Variants in CACNA1I observed in about 807,000 individuals in gnomAD.
CACNA1I encodes calcium voltage-gated channel subunit alpha1 I.
Under a neutral mutation model 201.6 loss-of-function variants are expected in CACNA1I, and 74 were observed. The ratio of observed to expected loss-of-function variants is 0.37; its 90% CI spans 0.30 to 0.45. The LOEUF (loss-of-function observed/expected upper bound fraction) is 0.45, where lower values mean the gene tolerates loss of function less well. CACNA1I is among the 20% of genes least tolerant of loss of function. CACNA1I has a pLI of 1.00. For synonymous variants in CACNA1I, 1,431 were observed against 1,345.2 expected (o/e 1.06, Z -1.40); for missense variants, 2,346 against 3,138.1 (o/e 0.75, Z 6.03).
chr22:39,599,948 G>A (rs1354337226), intron 2 of CACNA1I, among the ~76,000 whole-genome samples: 1 of 152,240 alleles, frequency 6.6e-6, no homozygotes, highest in Non-Finnish European at 1.5e-5. Context: ...TGTGGGCAGA[G>A]AAAGGCAACA....
chr22:39,655,303 A>T (rs992615479), intron 10 of CACNA1I, among the ~76,000 whole-genome samples: 1 of 152,010 alleles, frequency 6.6e-6, no homozygotes, highest in African/African-American at 2.4e-5. Context: ...ATCTACCCCT[A>T]CAGAAATGGC....
In CACNA1I at chr22:39,665,004, C is replaced by A. The variant is rs533147795; in HGVS notation, c.3851+81C>A. 15 of 1,272,944 alleles carry A rather than the reference C, an allele frequency of 1.2e-5. No individual in the cohort carries two copies. In the African/African-American group the frequency reaches 2.2e-4, roughly 19 times the overall value. The allele number at this position is 1,272,944 out of a possible 1,614,324, so 78.9% of individuals were successfully genotyped here. A position where few individuals can be genotyped will look rare whatever the true frequency, so the allele number is the denominator to read the frequency against. ...CACGGGTCGAATTGGGCCCTCACTC[C>A]GCCCTCCCCGCCCGCCCACTCGGTC... On this transcript the variant is annotated intron_variant, in intron 21 of 36. Coordinates refer to ENST00000402142, the MANE Select transcript of CACNA1I (RefSeq NM_021096.4). The surrounding 1 kb of genome is among the most constrained non-coding windows in gnomAD (Gnocchi z 5.5).
chr22:39,606,541 A>T (rs1236083178), intron 3 of CACNA1I, among the ~76,000 whole-genome samples: 1 of 152,056 alleles, frequency 6.6e-6, no homozygotes, highest in Non-Finnish European at 1.5e-5. Flanking sequence ...TTTATTTATT[A>T]TTCTTTTTTG....
intron 1 of CACNA1I, among the ~76,000 whole-genome samples, chr22:39,578,423 G>A (rs1370661667): frequency 1.3e-5 from 2 of 151,928 alleles, no homozygotes; most frequent in African/African-American, 4.8e-5. Flanking sequence ...AGTGTCTGGG[G>A]TTGGGTTCTT....
intron 4 of CACNA1I, among the ~76,000 whole-genome samples, 151 bp downstream of exon 4, chr22:39,619,558 G>T (rs998848238): frequency 2.0e-5 from 3 of 150,406 alleles, no homozygotes. Context: ...GGGATCCTGC[G>T]GTGTCTATCT....
Position 39,570,857 on chromosome 22 carries a change from G to A in CACNA1I, c.105G>A (p.Pro35=), listed in dbSNP as rs376772325. 1.1e-4 allele frequency: 176 copies of A among 1,613,152 alleles called. No individual in the cohort carries two copies. Among genetic ancestry groups the A allele is most frequent in the Middle Eastern group, 5.0e-4 (3 of 6,024 alleles). ...QPGPRSPPSS[P]PGLEEPLDGA... is the part of the protein sequence containing the mutation. Reference sequence around the variant, plus strand: ...GACCCCGGAGCCCCCCATCCTCCCCGCCAGGCCTGGAGGAGCCTCTGGATG... The same window carrying A: ...GACCCCGGAGCCCCCCATCCTCCCCACCAGGCCTGGAGGAGCCTCTGGATG... The change falls in exon 1 of 37, where the codon CCG becomes CCA. Residue 35 remains proline, a synonymous_variant. Coordinates refer to ENST00000402142, the MANE Select transcript of CACNA1I (RefSeq NM_021096.4).
At position 39,660,379 on chromosome 22, in the gene CACNA1I, G is replaced by C. The variant is rs760569453; in HGVS notation, c.2640G>C (p.Gln880His). Residue 880 changes from glutamine (Q) to histidine (H), a missense_variant, in exon 15 of 37, where the codon CAG (glutamine) becomes CAC (histidine). Gln to His is a conservative substitution (Grantham distance 24, BLOSUM62 0). This residue lies in a region of CACNA1I where 92 missense variants were observed against 114.5 expected (regional missense o/e 0.80). Transcript: ENST00000402142. ...DANRSYSDED[Q>H]SSSNIEEFDK... Reference sequence around the variant, plus strand: ...ATCGCTCCTACTCGGACGAGGACCAGAGCTCATCCAACATAGAAGAGTTTG... The same window carrying C: ...ATCGCTCCTACTCGGACGAGGACCACAGCTCATCCAACATAGAAGAGTTTG... 3 of 1,612,998 alleles carry C rather than the reference G, an allele frequency of 1.9e-6. No homozygotes were observed. In the South Asian group the frequency reaches 3.3e-5, roughly 18 times the overall value.
At chr22:39,680,042 G>A (rs572753050) in intron 33 of CACNA1I, among the ~76,000 whole-genome samples, 174 bp downstream of exon 33, 1 of 152,312 alleles carries the variant, frequency 6.6e-6, no homozygotes, top group African/African-American at 2.4e-5. Flanking sequence ...AGGGCCAGGT[G>A]TGGGCCTGTG....
intron 32 of CACNA1I, 113 bp downstream of exon 32, chr22:39,679,558 A>G (rs922281069): frequency 1.5e-5 from 16 of 1,060,326 alleles, no homozygotes; most frequent in Non-Finnish European, 2.1e-5. Flanking sequence ...TCTGGGCCCC[A>G]CCCTGCTCAG....
chr22:39,634,412 T>C (rs1934150298), intron 4 of CACNA1I, among the ~76,000 whole-genome samples, 153 bp from the exon 5 acceptor site: 1 of 152,000 alleles, frequency 6.6e-6, no homozygotes, highest in Non-Finnish European at 1.5e-5. Context: ...GGAGAGGGTG[T>C]ATCTGGCAGC....
At chr22:39,601,425 A>G (rs1480775174) in intron 3 of CACNA1I, among the ~76,000 whole-genome samples, 1 of 152,190 alleles carries the variant, frequency 6.6e-6, no homozygotes, top group Non-Finnish European at 1.5e-5. Flanking sequence ...AGCCCGACTG[A>G]GCCAAGCTGG....
At chr22:39,672,535 G>T (rs1335152849) in intron 27 of CACNA1I, among the ~76,000 whole-genome samples, 1 of 152,092 alleles carries the variant, frequency 6.6e-6, no homozygotes, top group African/African-American at 2.4e-5. Context: ...GCTCATCTTT[G>T]GTACGTTGTC....
At chr22:39,673,919 C>T (rs1181030159) in intron 28 of CACNA1I, 44 bp from the exon 29 acceptor site, 1 of 1,595,946 alleles carries the variant, frequency 6.3e-7, no homozygotes, top group African/African-American at 1.3e-5. Context: ...CACACGTCCC[C>T]ACCGGCCTGG....
At position 39,649,966 on chromosome 22, in the gene CACNA1I, T is replaced by G; in HGVS notation, c.1992+41T>G. ...CCGGGCCGGGCCTGCGGGAGAGGTG[T>G]GAGGGCCCCAGGACCCTGCCCAGGC... On this transcript the variant is annotated intron_variant, in intron 10 of 36. Transcript: ENST00000402142. The surrounding 1 kb of genome is among the most constrained non-coding windows in gnomAD (Gnocchi z 7.3). 1.2e-6 allele frequency: 2 copies of G among 1,605,216 alleles called. No individual in the cohort carries two copies. Among genetic ancestry groups the G allele is most frequent in the Non-Finnish European group, 1.7e-6 (2 of 1,174,314 alleles).
At chr22:39,593,006 G>A (rs1248885510) in intron 1 of CACNA1I, among the ~76,000 whole-genome samples, 1 of 152,250 alleles carries the variant, frequency 6.6e-6, no homozygotes, top group Non-Finnish European at 1.5e-5. Flanking sequence ...CTGGGCTCTT[G>A]GAAGGGGCCC....
chr22:39,590,999 A>C (rs1967016175), intron 1 of CACNA1I, among the ~76,000 whole-genome samples: 1 of 148,620 alleles, frequency 6.7e-6, no homozygotes, highest in South Asian at 2.2e-4. Flanking sequence ...GCGCACCACC[A>C]CAGCTGGCTA....
chr22:39,686,354 G>A lies in CACNA1I; in HGVS notation c.6621G>A (p.Pro2207=). ...GCCCCTTGGCGCCCCCGCCGCAACC[G>A]CTCCCCGGAGAGCTGGAGCCGGGAG... The part of the protein sequence containing the change: ...GLGPLAPPPQ[P]LPGELEPGDA... Residue 2207 remains proline, a synonymous_variant, in exon 37 of 37, where the codon CCG becomes CCA. Coordinates refer to ENST00000402142, the MANE Select transcript of CACNA1I (RefSeq NM_021096.4). 3 of 1,312,596 alleles carry A rather than the reference G, an allele frequency of 2.3e-6. No individual in the cohort carries two copies. Among genetic ancestry groups the A allele is most frequent in the Non-Finnish European group, 1.9e-6 (2 of 1,028,890 alleles). The allele number at this position is 1,312,596 out of a possible 1,614,324, so 81.3% of individuals were successfully genotyped here. A position where few individuals can be genotyped will look rare whatever the true frequency, so the allele number is the denominator to read the frequency against.
intron 1 of CACNA1I, among the ~76,000 whole-genome samples, chr22:39,592,753 G>T (rs375191562): frequency 6.6e-6 from 1 of 152,176 alleles, no homozygotes; most frequent in Non-Finnish European, 1.5e-5. Context: ...TCACGGCTTC[G>T]CTTGCCTGTG....
chr22:39,610,112 T>C (rs1312509220), intron 3 of CACNA1I, among the ~76,000 whole-genome samples: 1 of 152,216 alleles, frequency 6.6e-6, no homozygotes, highest in Non-Finnish European at 1.5e-5. Context: ...TCCGAATGTC[T>C]TGAAGCCCAG....
Sources: gnomAD v4.1 joint callset for allele counts (sites outside exome capture counted in the v4.1 genomes callset) on GRCh38, gnomAD v4.1.1 for gene constraint, gnomAD v4.1.1 regional missense constraint, Gnocchi (gnomAD v3.1) non-coding constraint, MANE v1.5 for transcripts, NCBI Gene and HGNC (gene_info 2026-07-23, HGNC 2026-07-21) for gene names.